The following DLGAP2 variants were observed in gnomAD, a reference collection of about 807,000 sequenced individuals.
DLGAP2 encodes disks large-associated protein 2.
A neutral mutation model predicts 100.3 loss-of-function variants in DLGAP2; 26 were observed. That is an observed-to-expected ratio of 0.26 (90% CI 0.19 to 0.36). The LOEUF is 0.36. Among genes scored for constraint, DLGAP2 ranks in the 10% least tolerant of loss-of-function variants. The pLI is 1.00. For synonymous variants in DLGAP2, 886 were observed against 630.1 expected, an observed-to-expected ratio of 1.41 and a Z score of -6.08; for missense variants, 1,858 against 1,453.2, an observed-to-expected ratio of 1.28 and a Z score of -4.53.
Position 1,691,723 on chromosome 8 carries a change from C to T in DLGAP2, c.2796+97C>T, listed in dbSNP as rs986689125. 6 of 1,069,056 alleles carry T rather than the reference C, an allele frequency of 5.6e-6. No homozygotes were observed. In the African/African-American group the frequency reaches 6.3e-5, roughly 11 times the overall value. 66.2% of individuals were successfully genotyped at this position (1,069,056 alleles called of 1,614,324 possible). A position where few individuals can be genotyped will look rare whatever the true frequency, so the allele number is the denominator to read the frequency against. Reference sequence around the variant, plus strand: ...GTTTTCTTCCTTGTCAAAGAGTTCCCATCGGTATGCGGAATATCACGTGCA... The same window carrying T: ...GTTTTCTTCCTTGTCAAAGAGTTCCTATCGGTATGCGGAATATCACGTGCA... On this transcript the variant is annotated intron_variant, in intron 13 of 14. Coordinates refer to ENST00000637795, the MANE Select transcript of DLGAP2 (RefSeq NM_001346810.2).
At chr8:1,245,391 T>C (rs56155822) in intron 2 of DLGAP2, among the ~76,000 whole-genome samples, 30,776 of 152,186 alleles carry the variant, frequency 0.2, 3,803 homozygotes, top group African/African-American at 0.34. Context: ...GGTCCATCCA[T>C]GCAATGGAAT....
intron 2 of DLGAP2, among the ~76,000 whole-genome samples, chr8:1,088,902 C>G (rs535978999): frequency 5.4e-5 from 7 of 128,696 alleles, no homozygotes; most frequent in South Asian, 2.9e-4. Flanking sequence ...TCGCTCCCCC[C>G]GCCTCACTCT....
At chr8:1,147,538 CTTTT>C (rs66900715) in intron 2 of DLGAP2, among the ~76,000 whole-genome samples, 5 of 144,360 alleles carry the variant, frequency 3.5e-5, no homozygotes, top group Admixed American at 6.9e-5. Context: ...ATACCTTCTT[CTTTT>C]TTTTTTTTTT....
At chr8:1,321,477 G>A (rs1040775331) in intron 3 of DLGAP2, among the ~76,000 whole-genome samples, 7 of 152,384 alleles carry the variant, frequency 4.6e-5, no homozygotes, top group South Asian at 4.1e-4. Flanking sequence ...ATCCATGTGC[G>A]TATGCATGGT....
chr8:1,313,786 G>A (rs571086587), intron 3 of DLGAP2, among the ~76,000 whole-genome samples: 1 of 151,986 alleles, frequency 6.6e-6, no homozygotes, highest in Non-Finnish European at 1.5e-5. Flanking sequence ...TCTGGGGAGG[G>A]GAGAAGGAAG....
At chr8:795,932 G>T (rs544980891) in intron 1 of DLGAP2, among the ~76,000 whole-genome samples, 295 of 135,032 alleles carry the variant, frequency 2.2e-3, no homozygotes, top group African/African-American at 8.0e-3. Context: ...CGTCCAGTGA[G>T]AGCAGGCGTC....
intron 2 of DLGAP2, among the ~76,000 whole-genome samples, chr8:1,223,117 A>T (rs1798349546): frequency 6.6e-6 from 1 of 152,166 alleles, no homozygotes; most frequent in South Asian, 2.1e-4. Flanking sequence ...GGGGAGATCC[A>T]TGTGAAGAGT....
chr8:1,331,056 C>T (rs575289866), intron 3 of DLGAP2, among the ~76,000 whole-genome samples: 1 of 152,262 alleles, frequency 6.6e-6, no homozygotes, highest in African/African-American at 2.4e-5. Context: ...GAAGAGACTG[C>T]AATGCCAGGG....
At chr8:1,162,714 C>G (rs1796915025) in intron 2 of DLGAP2, among the ~76,000 whole-genome samples, 1 of 152,174 alleles carries the variant, frequency 6.6e-6, no homozygotes, top group Non-Finnish European at 1.5e-5. Context: ...GCAAACAGCC[C>G]CAGGGAGTGA....
intron 4 of DLGAP2, among the ~76,000 whole-genome samples, chr8:1,501,850 C>T (rs1206114466): frequency 6.6e-6 from 1 of 152,222 alleles, no homozygotes. Context: ...GGTCTGGATG[C>T]TGAGTATGAC....
intron 2 of DLGAP2, among the ~76,000 whole-genome samples, chr8:1,075,906 A>C (rs1803590942): frequency 1.3e-5 from 2 of 150,684 alleles, no homozygotes; most frequent in Non-Finnish European, 2.9e-5. Flanking sequence ...ATCTCAAAAA[A>C]AATAAAAACA....
In DLGAP2 at chr8:1,012,722, G is replaced by A. The variant is rs370646382; in HGVS notation, c.73+104756G>A. ...CTACTTCAGCGGCAGTGTGGACACCGTCCGACCGGCCCCCCCACTTCAGCG... is the reference window on the plus strand; with the variant it reads ...CTACTTCAGCGGCAGTGTGGACACCATCCGACCGGCCCCCCCACTTCAGCG... On this transcript the variant is annotated intron_variant, in intron 2 of 14. Coordinates refer to ENST00000637795, the MANE Select transcript of DLGAP2 (RefSeq NM_001346810.2). Among the ~76,000 whole-genome samples the A allele has an allele frequency of 4.0e-3, 408 of 101,632 alleles. 6 individuals carry two copies. Among genetic ancestry groups the A allele is most frequent in the African/African-American group, 0.016 (385 of 24,692 alleles). The allele number at this position is 101,632 out of a possible 152,430, so 66.7% of individuals were successfully genotyped here.
chr8:1,302,808 G>A (rs1217849243), intron 3 of DLGAP2, among the ~76,000 whole-genome samples: 2 of 152,242 alleles, frequency 1.3e-5, no homozygotes, highest in East Asian at 1.9e-4. Flanking sequence ...TCTTCCCCTC[G>A]CCCCAGGAGG....
chr8:898,362 C>G (rs1023180283), intron 1 of DLGAP2, among the ~76,000 whole-genome samples: 7 of 152,200 alleles, frequency 4.6e-5, no homozygotes, highest in Non-Finnish European at 1.0e-4. Context: ...CGCATCTCCT[C>G]GGGCTGAAGT....
At chr8:1,049,448 C>A (rs1038034403) in intron 2 of DLGAP2, among the ~76,000 whole-genome samples, 1 of 152,104 alleles carries the variant, frequency 6.6e-6, no homozygotes, top group Non-Finnish European at 1.5e-5. Flanking sequence ...TTTCTAAACA[C>A]CCTGCTTAAC....
At chr8:777,466 C>G (rs1366212706) in intron 1 of DLGAP2, among the ~76,000 whole-genome samples, 8 of 152,150 alleles carry the variant, frequency 5.3e-5, no homozygotes, top group African/African-American at 1.9e-4. Flanking sequence ...TACATTTTGG[C>G]ATGATTTTGC....
chr8:1,358,099 G>A (rs1458241250), intron 3 of DLGAP2, among the ~76,000 whole-genome samples: 2 of 152,186 alleles, frequency 1.3e-5, no homozygotes, highest in Non-Finnish European at 2.9e-5. Context: ...CTCCCAGGAG[G>A]AAGTTGGGTA....
At chr8:1,159,689 C>A (rs1796854078) in intron 2 of DLGAP2, among the ~76,000 whole-genome samples, 1 of 152,356 alleles carries the variant, frequency 6.6e-6, no homozygotes. Flanking sequence ...TATACATTTT[C>A]ATTCCGCAGA....
At position 1,155,484 on chromosome 8, in the gene DLGAP2, C is replaced by A. The variant is rs1012380097; in HGVS notation, c.74-103367C>A. ...ACCTTAGAAAATTCACTCTCGGAAT[C>A]TTGGAGGGAACTTTTCTAAAGAGTT... On this transcript the variant is annotated intron_variant, in intron 2 of 14. Coordinates refer to ENST00000637795, the MANE Select transcript of DLGAP2 (RefSeq NM_001346810.2). 3.9e-5 allele frequency among the ~76,000 whole-genome samples: 6 copies of A among 152,264 alleles called. No homozygotes were observed. The Middle Eastern group carries it at 0.01, about 259-fold the overall frequency.
Sources: allele counts gnomAD v4.1 joint callset (sites outside exome capture counted in the v4.1 genomes callset), GRCh38; gene constraint gnomAD v4.1.1; transcripts MANE v1.5; gene names NCBI Gene and HGNC (gene_info 2026-07-23, HGNC 2026-07-21).